The following ABCG2 variants were observed in gnomAD, a reference collection of about 807,000 sequenced individuals.
ABCG2 encodes ATP binding cassette subfamily G member 2 (JR blood group).
Under a neutral mutation model 73.5 loss-of-function variants are expected in ABCG2, and 80 were observed. The ratio of observed to expected loss-of-function variants is 1.09; its 90% CI spans 0.91 to 1.31. The LOEUF (loss-of-function observed/expected upper bound fraction) is 1.31. ABCG2 is among the 50% of genes most tolerant of loss of function. ABCG2 has a pLI of 0.00. For synonymous variants in ABCG2, 269 were observed against 282.4 expected (o/e 0.95, Z 0.48); for missense variants, 796 against 786.2 (o/e 1.01, Z -0.15).
At chr4:88,162,108 G>T (rs1460389407), upstream of ABCG2, among the ~76,000 whole-genome samples, 1 of 152,020 alleles carries the variant, frequency 6.6e-6, no homozygotes, top group Non-Finnish European at 1.5e-5. Context: ...GCTATTTGGG[G>T]GGCTGAGGTG....
intron 1 of ABCG2, among the ~76,000 whole-genome samples, chr4:88,190,840 A>C (rs1432847014): frequency 6.6e-6 from 1 of 152,094 alleles, no homozygotes; most frequent in Non-Finnish European, 1.5e-5. Flanking sequence ...TAAATATTGC[A>C]CGTGCCCTTT....
At chr4:88,109,575 T>C (rs775219003) in intron 9 of ABCG2, among the ~76,000 whole-genome samples, 1 of 152,200 alleles carries the variant, frequency 6.6e-6, no homozygotes, top group Non-Finnish European at 1.5e-5. Context: ...ACAGACCCCA[T>C]CTGCTTCCAA....
chr4:88,224,707 A>G (rs770319972), intron 1 of ABCG2, among the ~76,000 whole-genome samples: 5 of 152,076 alleles, frequency 3.3e-5, no homozygotes, highest in African/African-American at 1.2e-4. Context: ...TTTAATTTTG[A>G]TGAAGTCCAA....
At chr4:88,152,962 A>C (rs1432485574) in intron 1 of ABCG2, among the ~76,000 whole-genome samples, 1 of 152,148 alleles carries the variant, frequency 6.6e-6, no homozygotes, top group Non-Finnish European at 1.5e-5. Context: ...TGTCCTATAT[A>C]AGTATTGGTG....
intron 9 of ABCG2, among the ~76,000 whole-genome samples, chr4:88,109,106 C>T (rs1337976526): frequency 6.6e-6 from 1 of 151,308 alleles, no homozygotes; most frequent in East Asian, 1.9e-4. Context: ...TCAAGCAACT[C>T]TCCTGCCTCA....
chr4:88,214,430 A>G lies in ABCG2; in HGVS notation c.-20+16564T>C, dbSNP rs1387825885. ...ATTCTCTCTCAAATCCACTCCAATC[A>G]GAACGATGAGACACATGACAAATTG... On this transcript the variant is annotated intron_variant, in intron 1 of 15. Coordinates refer to the ABCG2 transcript ENST00000515655. 2.6e-5 allele frequency among the ~76,000 whole-genome samples: 4 copies of G among 152,260 alleles called. No individual in the cohort carries two copies. The East Asian group carries it at 7.7e-4, about 29-fold the overall frequency.
intron 1 of ABCG2, among the ~76,000 whole-genome samples, chr4:88,227,556 T>G (rs978147490): frequency 6.6e-6 from 1 of 152,162 alleles, no homozygotes; most frequent in Non-Finnish European, 1.5e-5. Context: ...ACCTGGGAGC[T>G]TATTAGAATG....
chr4:88,131,241 CATAATG>C, intron 4 of ABCG2, 28 bp from the exon 5 acceptor site: 1 of 1,609,446 alleles, frequency 6.2e-7, no homozygotes, highest in Non-Finnish European at 8.5e-7. Context: ...TTTAATGAGA[CATAATG>C]ATAATGAGTC....
At chr4:88,185,193 T>C (rs1479504407) in intron 1 of ABCG2, among the ~76,000 whole-genome samples, 1 of 152,082 alleles carries the variant, frequency 6.6e-6, no homozygotes, top group Non-Finnish European at 1.5e-5. Flanking sequence ...TGAAACCCTA[T>C]CTCTGCTAAA....
chr4:88,098,235 T>C (rs1432024956), intron 12 of ABCG2, among the ~76,000 whole-genome samples: 1 of 152,214 alleles, frequency 6.6e-6, no homozygotes, highest in African/African-American at 2.4e-5. Flanking sequence ...CTAACCCTGA[T>C]TGTTTAGGAC....
chr4:88,115,134 G>C, intron 7 of ABCG2, 76 bp from the exon 8 acceptor site: 1 of 970,370 alleles, frequency 1.0e-6, no homozygotes, highest in Non-Finnish European at 1.6e-6. Context: ...CAGAGGGTGA[G>C]GGAGGTAAGG....
intron 15 of ABCG2, among the ~76,000 whole-genome samples, chr4:88,093,491 G>A (rs555849307): frequency 3.1e-5 from 4 of 128,630 alleles, no homozygotes; most frequent in Admixed American, 8.3e-5. Context: ...GTGACAGAGC[G>A]AGACTCCATT....
chr4:88,185,969 T>C (rs1210854554), intron 1 of ABCG2, among the ~76,000 whole-genome samples: 1 of 151,976 alleles, frequency 6.6e-6, no homozygotes, highest in African/African-American at 2.4e-5. Flanking sequence ...AAACTAAAAA[T>C]AGAACTTACA....
Position 88,124,675 on chromosome 4 carries a change from A to G in ABCG2, c.532-2883T>C, listed in dbSNP as rs528987727. 3.9e-5 allele frequency among the ~76,000 whole-genome samples: 6 copies of G among 152,312 alleles called. No individual in the cohort carries two copies. In the East Asian group the frequency reaches 1.2e-3, roughly 29 times the overall value. ...AGACTCATAAAGCAAGTCCTTAGAG[A>G]CCTACAAGGAGACTTCAGACTCCCA... On this transcript the variant is annotated intron_variant, in intron 5 of 15. Transcript: ENST00000237612.
chr4:88,099,314 A>T lies in ABCG2; in HGVS notation c.1492+10T>A, dbSNP rs750450776. 4.4e-6 allele frequency: 7 copies of T among 1,580,580 alleles called. No individual in the cohort carries two copies. The highest frequency in any genetic ancestry group is 3.8e-5 in the Admixed American group (2 of 53,178). ...AAGACATGTCCTTTTTTGTTTTGTT[A>T]CATACTTACCTAACATGAAGTACAC... On this transcript the variant is annotated intron_variant, in intron 12 of 15. Coordinates refer to ENST00000237612, the MANE Select transcript of ABCG2 (RefSeq NM_004827.3).
At chr4:88,164,906 T>A (rs1455092356) in intron 1 of ABCG2, among the ~76,000 whole-genome samples, 1 of 152,100 alleles carries the variant, frequency 6.6e-6, no homozygotes, top group African/African-American at 2.4e-5. Context: ...GCCTCCCAAG[T>A]AGCTGGGATT....
intron 5 of ABCG2, among the ~76,000 whole-genome samples, chr4:88,125,607 C>CAAAAAAAAAAAAAAAAAAAAA (rs70957302): frequency 8.6e-5 from 3 of 34,952 alleles, no homozygotes; most frequent in East Asian, 1.1e-3. Flanking sequence ...GACTCTGTCT[C>CAAAAAAAAAAAAAAAAAAAAA]AAAAAAAAAA....
At chr4:88,096,465 T>C (rs1029746268) in intron 13 of ABCG2, among the ~76,000 whole-genome samples, 2 of 152,174 alleles carry the variant, frequency 1.3e-5, no homozygotes, top group African/African-American at 4.8e-5. Context: ...AAACAAAACA[T>C]TTGTATTTGC....
At chr4:88,160,570 C>T (rs1727252473), upstream of ABCG2, among the ~76,000 whole-genome samples, 1 of 151,918 alleles carries the variant, frequency 6.6e-6, no homozygotes, top group Non-Finnish European at 1.5e-5. Flanking sequence ...TACATAGAGG[C>T]CAGGCACGGT....
Sources: allele counts gnomAD v4.1 joint callset (sites outside exome capture counted in the v4.1 genomes callset), GRCh38; gene constraint gnomAD v4.1.1; transcripts MANE v1.5; gene names NCBI Gene and HGNC (gene_info 2026-07-23, HGNC 2026-07-21).